Variants in CLDN14 observed in about 807,000 individuals in gnomAD.
CLDN14 encodes claudin-14.
A neutral mutation model predicts 2.1 loss-of-function variants in CLDN14; 2 were observed. That is an observed-to-expected ratio of 0.96 (90% CI 0.39 to 3.01). CLDN14 has a LOEUF of 3.01. Among genes scored for constraint, CLDN14 ranks in the 30% most tolerant of loss-of-function variants. The pLI, the probability that CLDN14 is intolerant of heterozygous loss-of-function variation, is 0.09. For missense variants in CLDN14, 298 were observed against 328.0 expected, an observed-to-expected ratio of 0.91 and a Z score of 0.71; for synonymous variants, 136 against 154.4, an observed-to-expected ratio of 0.88 and a Z score of 0.88.
chr21:36,548,507 C>G (rs1448818555), intron 1 of CLDN14, among the ~76,000 whole-genome samples: 1 of 152,222 alleles, frequency 6.6e-6, no homozygotes, highest in Non-Finnish European at 1.5e-5. Context: ...AGCAGCCAAG[C>G]TCAGGGGAGC....
chr21:36,489,117 GAAAA>G (rs869298653), intron 2 of CLDN14, among the ~76,000 whole-genome samples: 1 of 57,012 alleles, frequency 1.8e-5, no homozygotes, highest in African/African-American at 7.7e-5. Context: ...CTGTCTCAAA[GAAAA>G]AAAAAAAAAA....
chr21:36,548,738 G>T lies in CLDN14; in HGVS notation c.-220+27673C>A, dbSNP rs1338085175. On this transcript the variant is annotated intron_variant, in intron 1 of 2. Coordinates refer to the CLDN14 transcript ENST00000342108. ...AAGGCATCGATGACCCCCTGGGATTGGTCAGTTGATGTGGGGAGGCCAAGG... is the reference window on the plus strand; with the variant it reads ...AAGGCATCGATGACCCCCTGGGATTTGTCAGTTGATGTGGGGAGGCCAAGG... Among the ~76,000 whole-genome samples the T allele has an allele frequency of 2.6e-5, 4 of 152,138 alleles. No individual in the cohort carries two copies. In the East Asian group the frequency reaches 7.7e-4, roughly 29 times the overall value.
chr21:36,536,160 A>C (rs1172311615), intron 1 of CLDN14, among the ~76,000 whole-genome samples: 1 of 152,256 alleles, frequency 6.6e-6, no homozygotes, highest in Non-Finnish European at 1.5e-5. Flanking sequence ...CCCCTGACTC[A>C]GGCTTAGCTT....
At chr21:36,550,796 G>C (rs2087558493) in intron 1 of CLDN14, among the ~76,000 whole-genome samples, 1 of 152,234 alleles carries the variant, frequency 6.6e-6, no homozygotes, top group African/African-American at 2.4e-5. Context: ...AAGGCAAGAG[G>C]CTCTGGGGGC....
intron 2 of CLDN14, chr21:36,486,208 C>T (rs753278127): frequency 6.2e-5 from 59 of 955,690 alleles, no homozygotes; most frequent in Middle Eastern, 2.1e-4. Context: ...CTACTGATTC[C>T]GCCTGGCCAA....
chr21:36,460,882 GAAGTA>G lies in CLDN14; in HGVS notation c.*89_*93del. 1 of 1,462,392 alleles carries G rather than the reference GAAGTA, an allele frequency of 6.8e-7. No individual in the cohort carries two copies. Among genetic ancestry groups the G allele is most frequent in the Non-Finnish European group, 9.3e-7 (1 of 1,070,226 alleles). The allele number at this position is 1,462,392 out of a possible 1,614,324, so 90.6% of individuals were successfully genotyped here. On this transcript the variant is annotated 3_prime_UTR_variant, in exon 2 of 2. Coordinates refer to ENST00000399135, the MANE Select transcript of CLDN14 (RefSeq NM_001146079.2). The surrounding 1 kb of genome is among the most constrained non-coding windows in gnomAD (Gnocchi z 4.0). ...TTTCCTTGGATACAAAAATTGCCCA[GAAGTA>G]AACTTTGTGCTGGAACCCCTGCCTC...
intron 1 of CLDN14, among the ~76,000 whole-genome samples, chr21:36,462,923 A>C: frequency 6.8e-6 from 1 of 147,472 alleles, no homozygotes; most frequent in South Asian, 2.1e-4. Flanking sequence ...GTCTCAAAAA[A>C]ACAAAACAAG....
upstream of CLDN14, among the ~76,000 whole-genome samples, chr21:36,482,720 G>C (rs919431368): frequency 1.3e-5 from 2 of 152,272 alleles, no homozygotes; most frequent in African/African-American, 4.8e-5. Context: ...TAACTTGCTA[G>C]AGTAAAGGTT....
At chr21:36,524,368 T>C (rs1008883734) in intron 1 of CLDN14, among the ~76,000 whole-genome samples, 3 of 152,226 alleles carry the variant, frequency 2.0e-5, no homozygotes, top group Non-Finnish European at 4.4e-5. Context: ...GAGATCCTCC[T>C]GTCTTGGACT....
At chr21:36,512,599 C>T (rs1402651085) in intron 1 of CLDN14, among the ~76,000 whole-genome samples, 1 of 152,168 alleles carries the variant, frequency 6.6e-6, no homozygotes, top group African/African-American at 2.4e-5. Context: ...TGTACTCAGA[C>T]TTGTGCAGGA....
At chr21:36,571,763 C>T (rs1465693778) in intron 1 of CLDN14, among the ~76,000 whole-genome samples, 1 of 152,148 alleles carries the variant, frequency 6.6e-6, no homozygotes, top group Admixed American at 6.5e-5. Flanking sequence ...ATTCCATTCT[C>T]TCGGCTGGAA....
chr21:36,549,220 GGGCTGTT>G (rs2087546623), intron 1 of CLDN14, among the ~76,000 whole-genome samples: 1 of 151,372 alleles, frequency 6.6e-6, no homozygotes, highest in African/African-American at 2.4e-5. Context: ...TTGAAAGACA[GGGCTGTT>G]GGCTTCAAGC....
intron 1 of CLDN14, among the ~76,000 whole-genome samples, chr21:36,574,807 C>T (rs1009897516): frequency 6.6e-6 from 1 of 152,022 alleles, no homozygotes; most frequent in African/African-American, 2.4e-5. Context: ...TTCCATTTAT[C>T]CTAAATGACA....
At chr21:36,477,506 A>T (rs1263627543) in intron 1 of CLDN14, 1 of 152,138 alleles carries the variant, frequency 6.6e-6, no homozygotes, top group Non-Finnish European at 1.5e-5. Context: ...TCTAAATCTC[A>T]GTTTTTGTTT....
At chr21:36,462,962 TATAGA>T in intron 1 of CLDN14, among the ~76,000 whole-genome samples, 1 of 126,004 alleles carries the variant, frequency 7.9e-6, no homozygotes, top group South Asian at 2.5e-4. Context: ...CACTAGGAAA[TATAGA>T]AGGAAGGAAG....
rs34119785 is a variant in CLDN14 at position 36,518,597 on chromosome 21, TCAAA to T, written c.-219-8101_-219-8098del. Among the ~76,000 whole-genome samples the T allele has an allele frequency of 2.2e-3, 330 of 150,878 alleles. 3 individuals are homozygous for T. The highest frequency in any genetic ancestry group is 0.017 in the Admixed American group (264 of 15,168). ...CTGGGTGACAGAGCAAGACTCTGTCTCAAACAAACAAACAAACAAACAACAACAA... is the reference window on the plus strand; with the variant it reads ...CTGGGTGACAGAGCAAGACTCTGTCTCAAACAAACAAACAAACAACAACAA... On this transcript the variant is annotated intron_variant, in intron 1 of 2. Coordinates refer to the CLDN14 transcript ENST00000342108.
In CLDN14 at chr21:36,479,639, C is replaced by G. The variant is rs969820966; in HGVS notation, c.-226G>C. 3 of 152,240 alleles carry G rather than the reference C, an allele frequency of 2.0e-5. No homozygotes were observed. The highest frequency in any genetic ancestry group is 2.9e-5 in the Non-Finnish European group (2 of 68,072). 9.4% of individuals were successfully genotyped at this position (152,240 alleles called of 1,614,324 possible). On this transcript the variant is annotated 5_prime_UTR_variant, in exon 1 of 2. Transcript: ENST00000399135. ...CTCCTGCCTTCCCTCTTCTGCCAAC[C>G]AGACGCTTCCAGGACGGAGTATTTG... is the stretch of plus-strand genomic sequence containing the variant.
intron 1 of CLDN14, among the ~76,000 whole-genome samples, chr21:36,535,217 C>T (rs2087414768): frequency 6.6e-6 from 1 of 152,102 alleles, no homozygotes; most frequent in Non-Finnish European, 1.5e-5. Context: ...TGGCGAAACG[C>T]TGTCTCTACT....
Position 36,499,673 on chromosome 21 carries a change from A to G in CLDN14, c.-82+10690T>C, listed in dbSNP as rs2087075005. Among the ~76,000 whole-genome samples, 1 of 152,160 alleles carries G rather than the reference A, an allele frequency of 6.6e-6. No homozygotes were observed. The highest frequency in any genetic ancestry group is 1.5e-5 in the Non-Finnish European group (1 of 68,032). On this transcript the variant is annotated intron_variant, in intron 2 of 2. Coordinates refer to the CLDN14 transcript ENST00000342108. This position sits in a 1 kb window ranked among gnomAD's most constrained non-coding sequence, Gnocchi z 4.7. The stretch of plus-strand genomic sequence containing the variant: ...GTCCACGTGACTCTTATGCATCATG[A>G]TGTTGAGATTCACTGATTTAGACAC...
Sources: gnomAD v4.1 joint callset for allele counts (sites outside exome capture counted in the v4.1 genomes callset) on GRCh38, gnomAD v4.1.1 for gene constraint, Gnocchi (gnomAD v3.1) non-coding constraint, MANE v1.5 for transcripts, NCBI Gene and HGNC (gene_info 2026-07-23, HGNC 2026-07-21) for gene names.